CTNNA2: variants seen among roughly 807,000 people sequenced by gnomAD.
The protein encoded by CTNNA2 is catenin alpha-2.
A neutral mutation model predicts 101.0 loss-of-function variants in CTNNA2; 42 were observed. The observed-to-expected ratio is 0.42, with a 90% CI of 0.32 to 0.54. The LOEUF (loss-of-function observed/expected upper bound fraction) is 0.54, where lower values mean the gene tolerates loss of function less well. Ranked by LOEUF, CTNNA2 falls within the 20% of genes least tolerant of loss-of-function variation. The pLI, the probability that CTNNA2 is intolerant of heterozygous loss-of-function variation, is 0.14. For missense variants in CTNNA2, 871 were observed against 1,223.1 expected (o/e 0.71, Z 4.29); for synonymous variants, 450 against 456.4 (o/e 0.99, Z 0.18).
In CTNNA2 at chr2:79,671,687, A is replaced by G. The variant is rs568961434; in HGVS notation, c.102+20029A>G. 1.0e-3 allele frequency among the ~76,000 whole-genome samples: 156 copies of G among 152,336 alleles called. 1 individual carries two copies. Among genetic ancestry groups the G allele is most frequent in the African/African-American group, 3.7e-3 (154 of 41,572 alleles). ...TCGGCAAATAGTAAATGCTTAATGCATTTTTGCTGCTGTTAGGTGAAGAAG... is the reference window on the plus strand; with the variant it reads ...TCGGCAAATAGTAAATGCTTAATGCGTTTTTGCTGCTGTTAGGTGAAGAAG... On this transcript the variant is annotated intron_variant, in intron 2 of 18. Transcript: ENST00000402739.
intron 7 of CTNNA2, among the ~76,000 whole-genome samples, chr2:79,950,237 C>T (rs972365015): frequency 5.9e-5 from 9 of 151,582 alleles, no homozygotes; most frequent in African/African-American, 1.7e-4. Flanking sequence ...GTATTCATTA[C>T]GAACAAAAAA....
At chr2:79,195,940 G>C (rs1572973423) in intron 1 of CTNNA2, 1 of 303,666 alleles carries the variant, frequency 3.3e-6, no homozygotes, top group African/African-American at 5.4e-5. Flanking sequence ...TCAGTTTTTT[G>C]TTTGTTTGTT....
At chr2:79,320,794 A>G (rs1003894443) in intron 3 of CTNNA2, among the ~76,000 whole-genome samples, 5 of 152,200 alleles carry the variant, frequency 3.3e-5, no homozygotes, top group Admixed American at 2.6e-4. Flanking sequence ...TGACGAATCC[A>G]TAAGAACAGG....
chr2:79,270,117 TAGGCTC>T (rs72081385), intron 2 of CTNNA2, among the ~76,000 whole-genome samples: 8,734 of 152,198 alleles, frequency 0.057, 286 homozygotes, highest in South Asian at 0.11. Flanking sequence ...CATATCCTGT[TAGGCTC>T]AGCCCAGGAA....
chr2:79,429,199 CAA>C (rs1234120229), intron 4 of CTNNA2, among the ~76,000 whole-genome samples: 3 of 151,980 alleles, frequency 2.0e-5, no homozygotes, highest in Admixed American at 2.0e-4. Context: ...AACAAAGTAA[CAA>C]TATGGGATCT....
chr2:80,257,483 G>T (rs1573529045), intron 7 of CTNNA2, among the ~76,000 whole-genome samples: 1 of 152,120 alleles, frequency 6.6e-6, no homozygotes, highest in Non-Finnish European at 1.5e-5. Flanking sequence ...GAATGTTAAT[G>T]ATTGTCTCTG....
At chr2:80,629,643 C>T (rs1187097011) in intron 18 of CTNNA2, among the ~76,000 whole-genome samples, 4 of 152,172 alleles carry the variant, frequency 2.6e-5, no homozygotes, top group East Asian at 1.9e-4. Flanking sequence ...ACTGGGTTTG[C>T]TTCTTCAGGC....
intron 3 of CTNNA2, among the ~76,000 whole-genome samples, chr2:79,334,196 A>C (rs910190659): frequency 3.9e-5 from 6 of 152,192 alleles, no homozygotes; most frequent in Admixed American, 2.6e-4. Context: ...CTGTCTAGCT[A>C]TACTTTTGTA....
intron 1 of CTNNA2, among the ~76,000 whole-genome samples, chr2:79,538,614 T>A (rs1055045445): frequency 1.3e-5 from 2 of 152,074 alleles, no homozygotes; most frequent in African/African-American, 4.8e-5. Flanking sequence ...ATAGTAACAT[T>A]CTATGGGAAT....
intron 7 of CTNNA2, among the ~76,000 whole-genome samples, chr2:80,070,500 A>G (rs1698260214): frequency 6.6e-6 from 1 of 151,836 alleles, no homozygotes; most frequent in Non-Finnish European, 1.5e-5. Context: ...TGAGCCCAGG[A>G]GTTTAACACC....
At chr2:79,448,585 G>T (rs1423746047) in intron 4 of CTNNA2, among the ~76,000 whole-genome samples, 1 of 152,034 alleles carries the variant, frequency 6.6e-6, no homozygotes, top group Non-Finnish European at 1.5e-5. Flanking sequence ...CCAGTGAAGA[G>T]CATTTGATTA....
At chr2:79,472,667 A>G (rs1462558420) in intron 4 of CTNNA2, among the ~76,000 whole-genome samples, 2 of 152,136 alleles carry the variant, frequency 1.3e-5, no homozygotes, top group Non-Finnish European at 2.9e-5. Context: ...TAATCTCCTT[A>G]TCAAACTGTC....
At chr2:80,459,410 T>C (rs1160811196) in intron 9 of CTNNA2, among the ~76,000 whole-genome samples, 1 of 152,204 alleles carries the variant, frequency 6.6e-6, no homozygotes, top group East Asian at 1.9e-4. Context: ...GGTTAAAAGC[T>C]ATTCATAAGA....
Position 79,824,381 on chromosome 2 carries a change from G to A in CTNNA2, c.299-33632G>A, listed in dbSNP as rs781076697. Among the ~76,000 whole-genome samples, 10 of 152,040 alleles carry A rather than the reference G, an allele frequency of 6.6e-5. No individual in the cohort carries two copies. The East Asian group carries it at 9.7e-4, about 15-fold the overall frequency. On this transcript the variant is annotated intron_variant, in intron 3 of 18. Transcript: ENST00000402739. ...TACAAGCCAATAAATGAATGTATCC[G>A]TGGGCTGTGTTGGGGTCATAGGGTG...
At chr2:79,892,493 T>C (rs1377640587) in intron 6 of CTNNA2, among the ~76,000 whole-genome samples, 3 of 152,218 alleles carry the variant, frequency 2.0e-5, no homozygotes, top group African/African-American at 7.2e-5. Context: ...TTCTTTTCCG[T>C]ATTTTATGAA....
intron 2 of CTNNA2, among the ~76,000 whole-genome samples, chr2:79,654,777 C>A (rs17017410): frequency 0.15 from 22,677 of 151,716 alleles, 1,768 homozygotes; most frequent in African/African-American, 0.18. Flanking sequence ...CTTGTTAGTT[C>A]TATAAAAATT....
At chr2:79,215,358 AT>A (rs2104209228) in intron 2 of CTNNA2, among the ~76,000 whole-genome samples, 1 of 152,090 alleles carries the variant, frequency 6.6e-6, no homozygotes, top group South Asian at 2.1e-4. Context: ...TGTGCTGGAG[AT>A]GTGGCTGGGG....
intron 7 of CTNNA2, among the ~76,000 whole-genome samples, chr2:80,366,463 C>T (rs1479635403): frequency 1.3e-5 from 2 of 152,060 alleles, no homozygotes; most frequent in Non-Finnish European, 2.9e-5. Flanking sequence ...TTCACAGACG[C>T]ATTTGCATAT....
intron 1 of CTNNA2, among the ~76,000 whole-genome samples, chr2:79,540,144 A>C (rs1673319130): frequency 1.3e-5 from 2 of 152,138 alleles, no homozygotes; most frequent in Non-Finnish European, 2.9e-5. Context: ...CTTATATCAC[A>C]AAAGGGAATG....
Sources: gnomAD v4.1 joint callset for allele counts (sites outside exome capture counted in the v4.1 genomes callset) on GRCh38, gnomAD v4.1.1 for gene constraint, MANE v1.5 for transcripts, NCBI Gene and HGNC (gene_info 2026-07-23, HGNC 2026-07-21) for gene names.